Variants in TOX observed in about 807,000 individuals in gnomAD.
TOX encodes thymocyte selection associated high mobility group box.
In TOX, 11 loss-of-function variants were observed where a neutral mutation model predicts 53.7. The observed-to-expected ratio is 0.20, with a 90% confidence interval of 0.13 to 0.34. The LOEUF is 0.34. Ranked by LOEUF, TOX falls within the 10% of genes least tolerant of loss-of-function variation. TOX has a pLI of 1.00. For missense variants in TOX, 570 were observed against 664.6 expected (o/e 0.86, Z 1.56); for synonymous variants, 225 against 245.3 (o/e 0.92, Z 0.77).
intron 1 of TOX, among the ~76,000 whole-genome samples, chr8:59,111,086 A>C (rs916673285): frequency 2.0e-5 from 3 of 152,198 alleles, no homozygotes; most frequent in Admixed American, 2.0e-4. Flanking sequence ...TAAAGGTTTT[A>C]GTGTCAGAAC....
chr8:58,899,834 A>T (rs923603576), intron 3 of TOX, among the ~76,000 whole-genome samples: 2 of 152,216 alleles, frequency 1.3e-5, no homozygotes, highest in African/African-American at 4.8e-5. Context: ...CTAAATATCC[A>T]TACTGAAGTG....
intron 7 of TOX, 131 bp from the exon 8 acceptor site, chr8:58,808,400 G>A (rs1046762628): frequency 8.9e-7 from 1 of 1,126,072 alleles, no homozygotes; most frequent in African/African-American, 1.6e-5. Flanking sequence ...AAGCCTGTCG[G>A]AAGAGCCCAG....
chr8:58,923,929 G>C (rs1812114746), intron 3 of TOX, among the ~76,000 whole-genome samples: 1 of 152,166 alleles, frequency 6.6e-6, no homozygotes, highest in Non-Finnish European at 1.5e-5. Flanking sequence ...AGTCCTGTGT[G>C]CATGAATGCA....
chr8:59,006,094 T>A (rs988966929), intron 1 of TOX, among the ~76,000 whole-genome samples: 7 of 152,222 alleles, frequency 4.6e-5, no homozygotes, highest in Admixed American at 3.3e-4. Flanking sequence ...TCTTCTAATG[T>A]TCAAATAAGA....
chr8:58,999,352 A>T (rs2162818), intron 1 of TOX, among the ~76,000 whole-genome samples: 47,976 of 151,646 alleles, frequency 0.32, 8,662 homozygotes, highest in African/African-American at 0.49. Context: ...AAATTAAAGC[A>T]CTATGACCTG....
chr8:59,014,442 C>T (rs1367209177), intron 1 of TOX, among the ~76,000 whole-genome samples: 1 of 152,004 alleles, frequency 6.6e-6, no homozygotes, highest in South Asian at 2.1e-4. Context: ...TTTTATTTTC[C>T]CCAAGTCCCT....
chr8:58,894,915 G>C (rs1244230654), intron 3 of TOX, among the ~76,000 whole-genome samples: 2 of 148,700 alleles, frequency 1.3e-5, no homozygotes, highest in Non-Finnish European at 3.0e-5. Flanking sequence ...ATAGGCTGGG[G>C]GCGGTGACTC....
intron 3 of TOX, among the ~76,000 whole-genome samples, chr8:58,926,627 T>C (rs541238602): frequency 1.3e-5 from 2 of 152,358 alleles, no homozygotes; most frequent in East Asian, 1.9e-4. Context: ...CTTGGCAAGC[T>C]GCCTAGAATT....
At chr8:58,879,451 C>T (rs1464183864) in intron 3 of TOX, among the ~76,000 whole-genome samples, 1 of 152,146 alleles carries the variant, frequency 6.6e-6, no homozygotes, top group African/African-American at 2.4e-5. Context: ...TTCAAGAAAA[C>T]CTCCTTAATT....
intron 1 of TOX, among the ~76,000 whole-genome samples, chr8:59,045,457 C>T (rs1034217699): frequency 3.3e-5 from 5 of 152,138 alleles, no homozygotes; most frequent in African/African-American, 7.2e-5. Context: ...GCTGCTGAGA[C>T]GCAAAGAAAT....
chr8:59,094,269 A>G (rs60590935), intron 1 of TOX, among the ~76,000 whole-genome samples: 13,373 of 151,962 alleles, frequency 0.088, 862 homozygotes, highest in Middle Eastern at 0.18. Context: ...TTGACTTTTT[A>G]TTTTATTTCT....
At chr8:59,021,235 TA>T (rs111899400) in intron 1 of TOX, among the ~76,000 whole-genome samples, 5,195 of 149,542 alleles carry the variant, frequency 0.035, 135 homozygotes, top group South Asian at 0.093. Context: ...TTTTTTCTAT[TA>T]AAAAAAAATT....
chr8:58,895,522 A>G (rs1207736833), intron 3 of TOX, among the ~76,000 whole-genome samples: 1 of 152,242 alleles, frequency 6.6e-6, no homozygotes, highest in Non-Finnish European at 1.5e-5. Context: ...GTTCTATAGT[A>G]TGCTAGTGAT....
At chr8:58,808,861 G>A (rs1050035449) in intron 7 of TOX, among the ~76,000 whole-genome samples, 3 of 152,116 alleles carry the variant, frequency 2.0e-5, no homozygotes, top group Admixed American at 6.5e-5. Context: ...AGGGAAAAGA[G>A]ATTCAAAACG....
chr8:58,950,425 G>C (rs955752633), intron 2 of TOX, among the ~76,000 whole-genome samples: 5 of 151,952 alleles, frequency 3.3e-5, no homozygotes, highest in Admixed American at 3.3e-4. Context: ...TCAATCAAGG[G>C]GTCCAGAAAA....
At position 58,808,048 on chromosome 8, in the gene TOX, C is replaced by G. The variant is rs539950315; in HGVS notation, c.1544+70G>C. 46 of 1,533,804 alleles carry G rather than the reference C, an allele frequency of 3.0e-5. No homozygotes were observed. The East Asian group carries it at 1.0e-3, about 33-fold the overall frequency. Reference sequence around the variant, plus strand: ...GATCATGTTTTTGGAAACAAGAGAACGATCAACTAGGGACGATATGCATGC... The same window carrying G: ...GATCATGTTTTTGGAAACAAGAGAAGGATCAACTAGGGACGATATGCATGC... On this transcript the variant is annotated intron_variant, in intron 8 of 8. Transcript: ENST00000361421.
At chr8:59,027,123 A>G (rs746453352) in intron 1 of TOX, among the ~76,000 whole-genome samples, 2 of 152,168 alleles carry the variant, frequency 1.3e-5, no homozygotes, top group African/African-American at 4.8e-5. Flanking sequence ...ACTGGGTGCA[A>G]TCTACAAAGG....
chr8:58,832,091 A>T (rs1322124814), intron 5 of TOX, among the ~76,000 whole-genome samples: 1 of 147,606 alleles, frequency 6.8e-6, no homozygotes, highest in Non-Finnish European at 1.5e-5. Context: ...TCACATTTAT[A>T]TACCAATAAT....
chr8:58,946,672 T>A (rs192788874), intron 2 of TOX, among the ~76,000 whole-genome samples: 76 of 152,312 alleles, frequency 5.0e-4, no homozygotes, highest in African/African-American at 1.8e-3. Flanking sequence ...AAAATGAAAT[T>A]TTTGGTAGAA....
Sources: allele counts gnomAD v4.1 joint callset (sites outside exome capture counted in the v4.1 genomes callset), GRCh38; gene constraint gnomAD v4.1.1; transcripts MANE v1.5; gene names NCBI Gene and HGNC (gene_info 2026-07-23, HGNC 2026-07-21).